AQR: variants seen among roughly 807,000 people sequenced by gnomAD.
AQR encodes RNA helicase aquarius.
A neutral mutation model predicts 180.5 loss-of-function variants in AQR; 61 were observed. That is an observed-to-expected ratio of 0.34 (90% CI 0.28 to 0.42). The LOEUF (loss-of-function observed/expected upper bound fraction) is 0.42. Ranked by LOEUF, AQR falls within the 10% of genes least tolerant of loss-of-function variation. The pLI, the probability that AQR is intolerant of heterozygous loss-of-function variation, is 1.00. For synonymous variants in AQR, 551 were observed against 588.8 expected (o/e 0.94, Z 0.93); for missense variants, 1,281 against 1,798.3 (o/e 0.71, Z 5.20).
At chr15:34,948,408 A>C (rs751992343) in intron 4 of AQR, 24 bp from the exon 5 acceptor site, 2 of 1,607,160 alleles carry the variant, frequency 1.2e-6, no homozygotes, top group African/African-American at 2.7e-5. Flanking sequence ...AAAGCATAGA[A>C]TACTTCATTA....
chr15:34,920,216 G>A, intron 14 of AQR, 116 bp downstream of exon 14: 1 of 650,012 alleles, frequency 1.5e-6, no homozygotes, highest in Non-Finnish European at 2.6e-6. Context: ...AACAAAATGG[G>A]AATTATCTGC....
In AQR at chr15:34,937,757, G is replaced by A. The variant is rs572085028; in HGVS notation, c.718+980C>T. ...AAATTAGCCGGGCGTGGTGGCACACGCCTGTAACTCCAGCTACTCAGGAGG... is the reference window on the plus strand; with the variant it reads ...AAATTAGCCGGGCGTGGTGGCACACACCTGTAACTCCAGCTACTCAGGAGG... On this transcript the variant is annotated intron_variant, in intron 9 of 34. Coordinates refer to ENST00000156471, the MANE Select transcript of AQR (RefSeq NM_014691.3). Among the ~76,000 whole-genome samples the A allele has an allele frequency of 7.2e-5, 11 of 151,956 alleles. No individual in the cohort carries two copies. In the South Asian group the frequency reaches 1.5e-3, roughly 20 times the overall value.
rs1008450462 is a variant in AQR, at chr15:34,852,986, C to A, written c.*3806G>T. 2.0e-5 allele frequency: 3 copies of A among 152,200 alleles called. No homozygotes were observed. Among genetic ancestry groups the A allele is most frequent in the Non-Finnish European group, 2.9e-5 (2 of 68,040 alleles). The allele number at this position is 152,200 out of a possible 1,614,324, so 9.4% of individuals were successfully genotyped here. A position where few individuals can be genotyped will look rare whatever the true frequency, so the allele number is the denominator to read the frequency against. On this transcript the variant is annotated 3_prime_UTR_variant, in exon 35 of 35. Coordinates refer to ENST00000156471, the MANE Select transcript of AQR (RefSeq NM_014691.3). ...TAGGGTTTGTCTCTAAGAAGAAAAA[C>A]TGGAGCGTCCAAAGCTTCTGGATTC...
chr15:34,955,209 ATTT>A (rs377132989), intron 3 of AQR, among the ~76,000 whole-genome samples: 9 of 152,168 alleles, frequency 5.9e-5, no homozygotes, highest in Non-Finnish European at 1.5e-5. Context: ...TTGGATGGTT[ATTT>A]TTTTAAGTTA....
chr15:34,882,464 T>TGAA, intron 27 of AQR, 38 bp downstream of exon 27: 1 of 796,384 alleles, frequency 1.3e-6, no homozygotes, highest in Non-Finnish European at 1.7e-6. Context: ...TCTGATAATC[T>TGAA]TAAAAAAAAA....
chr15:34,854,998 C>G lies in AQR; in HGVS notation c.*1794G>C, dbSNP rs1892568736. The G allele has an allele frequency of 6.6e-6, 1 of 152,190 alleles. No individual in the cohort carries two copies. Among genetic ancestry groups the G allele is most frequent in the South Asian group, 2.1e-4 (1 of 4,828 alleles). 9.4% of individuals were successfully genotyped at this position (152,190 alleles called of 1,614,324 possible). A position where few individuals can be genotyped will look rare whatever the true frequency, so the allele number is the denominator to read the frequency against. On this transcript the variant is annotated 3_prime_UTR_variant, in exon 35 of 35. Transcript: ENST00000156471. ...TTCCCCATACAGATGCCCACAGCACCTGCTTTCAAAATCTTTTATCGGAGA... is the reference window on the plus strand; with the variant it reads ...TTCCCCATACAGATGCCCACAGCACGTGCTTTCAAAATCTTTTATCGGAGA...
intron 26 of AQR, among the ~76,000 whole-genome samples, chr15:34,883,379 T>C (rs939348659): frequency 1.1e-4 from 16 of 152,172 alleles, no homozygotes; most frequent in African/African-American, 3.9e-4. Context: ...TTTAAATAAT[T>C]AAAATATTAC....
At chr15:34,964,434 C>A in intron 1 of AQR, 144 bp from the exon 2 acceptor site, 2 of 731,174 alleles carry the variant, frequency 2.7e-6, no homozygotes, top group Non-Finnish European at 5.0e-6. Context: ...ACTACACAGG[C>A]ATGCAGGCCA....
At chr15:34,898,633 C>T (rs955817016) in intron 20 of AQR, among the ~76,000 whole-genome samples, 1 of 152,032 alleles carries the variant, frequency 6.6e-6, no homozygotes, top group African/African-American at 2.4e-5. Context: ...CACCTGTGAT[C>T]CAGCACTTTG....
intron 15 of AQR, among the ~76,000 whole-genome samples, chr15:34,916,079 C>G (rs1321062909): frequency 6.6e-6 from 1 of 152,136 alleles, no homozygotes; most frequent in Non-Finnish European, 1.5e-5. Context: ...CTAACAGTCT[C>G]AAGTAGTTTA....
At chr15:34,863,516 T>C (rs1027746790) in intron 32 of AQR, among the ~76,000 whole-genome samples, 2 of 152,170 alleles carry the variant, frequency 1.3e-5, no homozygotes, top group African/African-American at 4.8e-5. Flanking sequence ...TATGATGTTA[T>C]AAAACAACAC....
chr15:34,924,360 T>C (rs1281091003), intron 13 of AQR, among the ~76,000 whole-genome samples: 1 of 152,132 alleles, frequency 6.6e-6, no homozygotes, highest in African/African-American at 2.4e-5. Flanking sequence ...TAATGGTGCA[T>C]TTTTTTCATT....
intron 9 of AQR, among the ~76,000 whole-genome samples, chr15:34,936,217 C>A (rs1210506546): frequency 6.6e-6 from 1 of 152,172 alleles, no homozygotes; most frequent in African/African-American, 2.4e-5. Flanking sequence ...TCCAACAACT[C>A]ATCTGGGCAT....
At position 34,873,972 on chromosome 15, in the gene AQR, G is replaced by A. The variant is rs200560139; in HGVS notation, c.3453C>T (p.Tyr1151=). 4 of 1,609,270 alleles carry A rather than the reference G, an allele frequency of 2.5e-6. No homozygotes were observed. Among genetic ancestry groups the A allele is most frequent in the Non-Finnish European group, 3.4e-6 (4 of 1,177,462 alleles). ...ASLCNLYNWR[Y]KNLGNLPHVQ... ...CATGGGGTAAGTTTCCTAGATTCTT[G>A]TATCGCCAGTTGTAGAGGTTGCACA... is the stretch of plus-strand genomic sequence containing the variant. Residue 1151 remains tyrosine, a synonymous_variant, in exon 30 of 35, where the codon TAC becomes TAT. Transcript: ENST00000156471.
intron 29 of AQR, 53 bp from the exon 30 acceptor site, chr15:34,874,052 T>G: frequency 6.8e-7 from 1 of 1,468,326 alleles, no homozygotes; most frequent in Non-Finnish European, 9.1e-7. Flanking sequence ...GTGTAAAATC[T>G]CTTTTAATAT....
At chr15:34,932,268 T>A (rs1566992004) in intron 11 of AQR, 50 bp downstream of exon 11, 1 of 1,487,472 alleles carries the variant, frequency 6.7e-7, no homozygotes, top group Admixed American at 1.7e-5. Flanking sequence ...AAAGAAAAGA[T>A]CAATTTAGAA....
At chr15:34,858,987 C>T (rs1414157486) in intron 34 of AQR, among the ~76,000 whole-genome samples, 1 of 152,140 alleles carries the variant, frequency 6.6e-6, no homozygotes, top group Non-Finnish European at 1.5e-5. Flanking sequence ...CTAGAAAAAA[C>T]CTTTATACCT....
At chr15:34,949,327 T>A (rs1027282180) in intron 4 of AQR, among the ~76,000 whole-genome samples, 19 of 118,904 alleles carry the variant, frequency 1.6e-4, no homozygotes, top group African/African-American at 4.7e-4. Context: ...AAAGTAAAAG[T>A]TGGCCAGGCA....
At position 34,906,681 on chromosome 15, in the gene AQR, A is replaced by G. The variant is rs1366900774; in HGVS notation, c.1695T>C (p.Ile565=). 1.9e-6 allele frequency: 3 copies of G among 1,613,804 alleles called. No individual in the cohort carries two copies. In the African/African-American group the frequency reaches 4.0e-5, roughly 22 times the overall value. ...CATAAGGTTTTGTGGGACGTACGGT[A>G]ATTAAAAAGCATACATCATGCTTAC... is the stretch of plus-strand genomic sequence containing the variant. ...GLRKHDVCFL[I]TVRPTKPYGT... The change falls in exon 18 of 35, where the codon ATT becomes ATC. Residue 565 remains isoleucine, a synonymous_variant. Coordinates refer to ENST00000156471, the MANE Select transcript of AQR (RefSeq NM_014691.3).
Sources: allele counts gnomAD v4.1 joint callset (sites outside exome capture counted in the v4.1 genomes callset), GRCh38; gene constraint gnomAD v4.1.1; transcripts MANE v1.5; gene names NCBI Gene and HGNC (gene_info 2026-07-23, HGNC 2026-07-21).